LRRC3B: variants seen among roughly 807,000 people sequenced by gnomAD.
LRRC3B encodes the protein leucine-rich repeat-containing protein 3B.
Under a neutral mutation model 12.8 loss-of-function variants are expected in LRRC3B, and 2 were observed. The observed-to-expected ratio is 0.16, with a 90% CI of 0.06 to 0.49. The LOEUF (loss-of-function observed/expected upper bound fraction) is 0.49, where lower values mean the gene tolerates loss of function less well. Ranked by LOEUF, LRRC3B falls within the 20% of genes least tolerant of loss-of-function variation. The pLI is 0.96. For synonymous variants in LRRC3B, 132 were observed against 122.0 expected (o/e 1.08, Z -0.54); for missense variants, 189 against 319.4 (o/e 0.59, Z 3.11).
At chr3:26,630,317 T>C (rs1421444031) in intron 1 of LRRC3B, among the ~76,000 whole-genome samples, 2 of 152,236 alleles carry the variant, frequency 1.3e-5, no homozygotes, top group African/African-American at 2.4e-5. Context: ...ATTTACTCCA[T>C]AGTGCCCTTT....
At chr3:26,654,918 A>G (rs1010735470) in intron 1 of LRRC3B, among the ~76,000 whole-genome samples, 1 of 152,190 alleles carries the variant, frequency 6.6e-6, no homozygotes, top group African/African-American at 2.4e-5. Flanking sequence ...GCATTTCCTA[A>G]CTTGAGTCAT....
In LRRC3B at chr3:26,651,498, CTAAG is replaced by C. The variant is rs1303255654; in HGVS notation, c.-161+28263_-161+28266del. On this transcript the variant is annotated intron_variant, in intron 1 of 1. Transcript: ENST00000396641. ...TAGTATTTGTCTCCTCTGTTACTCT[CTAAG>C]TTTCATGTGGTCAGAAAATTTACTT... Among the ~76,000 whole-genome samples the C allele has an allele frequency of 2.6e-5, 4 of 152,258 alleles. No homozygotes were observed. In the East Asian group the frequency reaches 7.7e-4, roughly 29 times the overall value.
At chr3:26,635,570 G>A (rs1200165348) in intron 1 of LRRC3B, among the ~76,000 whole-genome samples, 1 of 152,174 alleles carries the variant, frequency 6.6e-6, no homozygotes, top group Non-Finnish European at 1.5e-5. Flanking sequence ...TGCAACCCAA[G>A]GAAAGAGCCT....
intron 1 of LRRC3B, among the ~76,000 whole-genome samples, chr3:26,671,958 T>G (rs1037037123): frequency 1.3e-5 from 2 of 152,204 alleles, no homozygotes; most frequent in African/African-American, 4.8e-5. Context: ...TTTAGGCGGT[T>G]GAAAATGGAA....
chr3:26,636,971 T>TC (rs1698912332), intron 1 of LRRC3B, among the ~76,000 whole-genome samples: 1 of 119,716 alleles, frequency 8.4e-6, no homozygotes, highest in Non-Finnish European at 1.6e-5. Context: ...TCTTTCTTTC[T>TC]TTCTCTCTCT....
chr3:26,661,825 G>A (rs1332673275), intron 1 of LRRC3B, among the ~76,000 whole-genome samples: 1 of 152,104 alleles, frequency 6.6e-6, no homozygotes, highest in African/African-American at 2.4e-5. Flanking sequence ...CTGCTTTTCT[G>A]TATTTCTTTA....
chr3:26,706,969 T>C (rs1363819614), intron 1 of LRRC3B, among the ~76,000 whole-genome samples: 1 of 152,220 alleles, frequency 6.6e-6, no homozygotes, highest in Non-Finnish European at 1.5e-5. Flanking sequence ...CCTCACTATA[T>C]GCGAAGCACT....
chr3:26,688,927 A>T (rs1700138631), intron 1 of LRRC3B, among the ~76,000 whole-genome samples: 1 of 152,200 alleles, frequency 6.6e-6, no homozygotes, highest in African/African-American at 2.4e-5. Context: ...TTGTAAACAG[A>T]TGTGCCTAGA....
intron 1 of LRRC3B, among the ~76,000 whole-genome samples, chr3:26,625,876 T>C (rs1380555291): frequency 6.6e-6 from 1 of 152,232 alleles, no homozygotes; most frequent in African/African-American, 2.4e-5. Flanking sequence ...ATTTATCTCA[T>C]GTTATAGATG....
intron 1 of LRRC3B, among the ~76,000 whole-genome samples, chr3:26,636,182 T>C (rs1698864971): frequency 6.6e-6 from 1 of 152,180 alleles, no homozygotes; most frequent in Non-Finnish European, 1.5e-5. Context: ...TGAGTGGAGC[T>C]GCTGACCTGC....
intron 1 of LRRC3B, among the ~76,000 whole-genome samples, chr3:26,686,525 C>A (rs1443269464): frequency 6.6e-6 from 1 of 152,292 alleles, no homozygotes; most frequent in South Asian, 2.1e-4. Context: ...CCCCACCAAC[C>A]AACCTGCATT....
At chr3:26,693,097 G>A (rs980206427) in intron 1 of LRRC3B, among the ~76,000 whole-genome samples, 1 of 151,980 alleles carries the variant, frequency 6.6e-6, no homozygotes, top group African/African-American at 2.4e-5. Context: ...TTGGGAGGCC[G>A]AGACGGGCGG....
intron 1 of LRRC3B, among the ~76,000 whole-genome samples, chr3:26,686,608 GA>G (rs1286827091): frequency 2.0e-5 from 3 of 151,928 alleles, no homozygotes; most frequent in Non-Finnish European, 4.4e-5. Flanking sequence ...ATTCAGCTCA[GA>G]AAAAAAGTGT....
At chr3:26,687,839 TTGAG>T (rs1373688723) in intron 1 of LRRC3B, among the ~76,000 whole-genome samples, 2 of 152,110 alleles carry the variant, frequency 1.3e-5, no homozygotes, top group Non-Finnish European at 2.9e-5. Flanking sequence ...GTATCAAGGG[TTGAG>T]ATAATCCATA....
intron 1 of LRRC3B, among the ~76,000 whole-genome samples, chr3:26,636,904 TTCTC>T (rs1356990635): frequency 4.6e-5 from 4 of 87,404 alleles, no homozygotes; most frequent in African/African-American, 1.9e-4. Context: ...CTCTCTCTCT[TTCTC>T]TCTTTCTCTC....
At chr3:26,633,093 C>T (rs561065841) in intron 1 of LRRC3B, among the ~76,000 whole-genome samples, 1 of 152,312 alleles carries the variant, frequency 6.6e-6, no homozygotes, top group Admixed American at 6.5e-5. Context: ...AGAAAGCGCT[C>T]TTTCACATCT....
chr3:26,678,160 C>G (rs937722873), intron 1 of LRRC3B, among the ~76,000 whole-genome samples: 1 of 151,950 alleles, frequency 6.6e-6, no homozygotes, highest in Admixed American at 6.6e-5. Flanking sequence ...ATATGAAAGT[C>G]CAAGAGGCTT....
At chr3:26,704,592 G>A (rs148101116) in intron 1 of LRRC3B, among the ~76,000 whole-genome samples, 2 of 151,626 alleles carry the variant, frequency 1.3e-5, no homozygotes, top group African/African-American at 2.4e-5. Flanking sequence ...TAGAGACAGG[G>A]TCTTGCTATG....
At chr3:26,652,194 C>T (rs1286241687) in intron 1 of LRRC3B, among the ~76,000 whole-genome samples, 1 of 152,178 alleles carries the variant, frequency 6.6e-6, no homozygotes, top group Admixed American at 6.5e-5. Context: ...GTTTCGCTTT[C>T]TGAAAACCCT....
Sources: allele counts gnomAD v4.1 joint callset (sites outside exome capture counted in the v4.1 genomes callset), GRCh38; gene constraint gnomAD v4.1.1; transcripts MANE v1.5; gene names NCBI Gene and HGNC (gene_info 2026-07-23, HGNC 2026-07-21).